The following AEBP2 variants were observed in gnomAD, a reference collection of about 807,000 sequenced individuals.
The protein encoded by AEBP2 is AE binding protein 2.
A neutral mutation model predicts 50.8 loss-of-function variants in AEBP2; 10 were observed. The observed-to-expected ratio is 0.20, with a 90% confidence interval of 0.12 to 0.33. The LOEUF is 0.33. Among genes scored for constraint, AEBP2 ranks in the 10% least tolerant of loss-of-function variants. The pLI, the probability that AEBP2 is intolerant of heterozygous loss-of-function variation, is 1.00. For missense variants in AEBP2, 570 were observed against 688.0 expected (o/e 0.83, Z 1.92); for synonymous variants, 296 against 261.3 (o/e 1.13, Z -1.28).
intron 1 of AEBP2, among the ~76,000 whole-genome samples, chr12:19,460,718 T>G (rs1051168075): frequency 6.7e-6 from 1 of 149,032 alleles, no homozygotes. Flanking sequence ...CCAGTGCCGC[T>G]ATCTCTGCTC....
rs1412652039 is a variant in AEBP2, at chr12:19,494,003, G to C, written c.1174+17G>C. ...GCTCATTACGTAAGTGTTACACTGA[G>C]AAAATCTGGTGTATTTCATGGTTTT... On this transcript the variant is annotated intron_variant, in intron 4 of 7. Transcript: ENST00000266508. The C allele has an allele frequency of 1.3e-6, 2 of 1,534,962 alleles. No individual in the cohort carries two copies. The highest frequency in any genetic ancestry group is 2.3e-5 in the East Asian group (1 of 42,756).
chr12:19,413,296 A>G lies in AEBP2; in HGVS notation c.-17+9080A>G, dbSNP rs2095740462. ...TAAAGCCTGAAAAAACTAAAGCAGT[A>G]GAGAATTACCTTATACAGATGGCAA... On this transcript the variant is annotated intron_variant, in intron 1 of 3. Coordinates refer to the AEBP2 transcript ENST00000538425. 3 of 1,306,352 alleles carry G rather than the reference A, an allele frequency of 2.3e-6. No homozygotes were observed. In the Admixed American group the frequency reaches 5.0e-5, roughly 22 times the overall value. 80.9% of individuals were successfully genotyped at this position (1,306,352 alleles called of 1,614,324 possible).
chr12:19,469,100 A>G (rs1290891508), intron 2 of AEBP2, among the ~76,000 whole-genome samples: 1 of 151,814 alleles, frequency 6.6e-6, no homozygotes, highest in Non-Finnish European at 1.5e-5. Flanking sequence ...AAGTTTTTGT[A>G]TTTTTAGTAG....
At chr12:19,484,044 A>C (rs1168677714) in intron 3 of AEBP2, among the ~76,000 whole-genome samples, 2 of 152,070 alleles carry the variant, frequency 1.3e-5, no homozygotes, top group African/African-American at 2.4e-5. Flanking sequence ...GATTTTTGCT[A>C]ATCTCATAGG....
chr12:19,473,592 G>T (rs1410388317), intron 3 of AEBP2, among the ~76,000 whole-genome samples: 2 of 152,010 alleles, frequency 1.3e-5, no homozygotes, highest in Non-Finnish European at 2.9e-5. Flanking sequence ...TTTTAGTAGA[G>T]ATGGTGTTTC....
intron 1 of AEBP2, among the ~76,000 whole-genome samples, chr12:19,453,249 G>A (rs535615662): frequency 1.3e-5 from 2 of 151,956 alleles, no homozygotes; most frequent in Admixed American, 6.5e-5. Flanking sequence ...GATTACAGGC[G>A]TGAGCCACCG....
chr12:19,429,509 G>A (rs2095750319), intron 1 of AEBP2, among the ~76,000 whole-genome samples: 1 of 152,082 alleles, frequency 6.6e-6, no homozygotes, highest in Non-Finnish European at 1.5e-5. Context: ...GGGATGGCTG[G>A]GTCAAATGGT....
chr12:19,475,730 T>C (rs1948640198), intron 3 of AEBP2, among the ~76,000 whole-genome samples: 1 of 152,182 alleles, frequency 6.6e-6, no homozygotes, highest in African/African-American at 2.4e-5. Context: ...GTGTTCCCTT[T>C]TCACCACATC....
chr12:19,416,592 A>G (rs1322399125), intron 1 of AEBP2, among the ~76,000 whole-genome samples: 1 of 146,070 alleles, frequency 6.8e-6, no homozygotes, highest in African/African-American at 2.5e-5. Context: ...TTTAGTAGAG[A>G]TGGGGTTTCA....
intron 1 of AEBP2, among the ~76,000 whole-genome samples, chr12:19,453,068 A>T (rs1360327083): frequency 6.9e-6 from 1 of 145,006 alleles, no homozygotes; most frequent in Non-Finnish European, 1.5e-5. Flanking sequence ...TCCCAGGTTC[A>T]CGCCATTCTC....
At chr12:19,494,201 A>T (rs536692859) in intron 4 of AEBP2, among the ~76,000 whole-genome samples, 217 of 152,314 alleles carry the variant, frequency 1.4e-3, no homozygotes, top group Middle Eastern at 0.01. Flanking sequence ...GTATAAAATT[A>T]GATTTGGGGG....
At chr12:19,460,657 G>GTT (rs780141180) in intron 1 of AEBP2, among the ~76,000 whole-genome samples, 19 of 143,978 alleles carry the variant, frequency 1.3e-4, no homozygotes, top group Non-Finnish European at 1.5e-4. Flanking sequence ...CGGCCTGAAA[G>GTT]TTTTTTTTTT....
intron 7 of AEBP2, among the ~76,000 whole-genome samples, chr12:19,516,104 CA>C (rs1949313702): frequency 6.6e-6 from 1 of 152,084 alleles, no homozygotes; most frequent in Non-Finnish European, 1.5e-5. Flanking sequence ...TTTTTCTTCT[CA>C]AACATCTTTT....
Position 19,518,407 on chromosome 12 carries a change from A to C in AEBP2, c.*290A>C. On this transcript the variant is annotated 3_prime_UTR_variant, in exon 8 of 8. Coordinates refer to ENST00000266508, the MANE Select transcript of AEBP2 (RefSeq NM_153207.5). Reference sequence around the variant, plus strand: ...TGGCAACTTAGTAGAACAGCTTCTTAAAGGCTTTGCATGCTTGCTGCTTTA... The same window carrying C: ...TGGCAACTTAGTAGAACAGCTTCTTCAAGGCTTTGCATGCTTGCTGCTTTA... 1 of 1,232,064 alleles carries C rather than the reference A, an allele frequency of 8.1e-7. No homozygotes were observed. Among genetic ancestry groups the C allele is most frequent in the Non-Finnish European group, 1.0e-6 (1 of 985,906 alleles). The allele number at this position is 1,232,064 out of a possible 1,614,324, so 76.3% of individuals were successfully genotyped here.
intron 1 of AEBP2, among the ~76,000 whole-genome samples, chr12:19,433,908 G>A (rs1440470488): frequency 1.3e-5 from 2 of 151,916 alleles, no homozygotes; most frequent in South Asian, 4.1e-4. Flanking sequence ...GTGTAGTGGC[G>A]CGATCTCGGC....
At chr12:19,442,172 G>T (rs1039836979) in intron 1 of AEBP2, among the ~76,000 whole-genome samples, 16 of 152,280 alleles carry the variant, frequency 1.1e-4, no homozygotes, top group Admixed American at 9.8e-4. Context: ...ACTTTGGGAG[G>T]CCGAGGTGGG....
rs1679208965 is a variant in AEBP2, at chr12:19,433,975, TA to T, written c.-16-28534del. 3.9e-5 allele frequency among the ~76,000 whole-genome samples: 6 copies of T among 152,050 alleles called. No individual in the cohort carries two copies. The South Asian group carries it at 1.3e-3, about 32-fold the overall frequency. On this transcript the variant is annotated intron_variant, in intron 1 of 3. Coordinates refer to the AEBP2 transcript ENST00000538425. ...GATTCCTCTGCCTCAGCCTCCCTAG[TA>T]GCCGGGACTACAGGCACACGCCACC...
intron 1 of AEBP2, among the ~76,000 whole-genome samples, chr12:19,455,371 C>T (rs1404404517): frequency 6.6e-6 from 1 of 152,096 alleles, no homozygotes; most frequent in Non-Finnish European, 1.5e-5. Context: ...GTGGTAGTTT[C>T]TTAAAGATTA....
Position 19,439,617 on chromosome 12 carries a change from T to G in AEBP2, c.-83T>G. On this transcript the variant is annotated 5_prime_UTR_variant, in exon 1 of 8. Coordinates refer to ENST00000266508, the MANE Select transcript of AEBP2 (RefSeq NM_153207.5). ...AGCGGCGTCGGCGGAGTTTTGGGCG[T>G]TTGGGAGGGGGGCGAGGGAGAGAGA... is the stretch of plus-strand genomic sequence containing the variant. 9.0e-6 allele frequency: 13 copies of G among 1,450,190 alleles called. No individual in the cohort carries two copies. The highest frequency in any genetic ancestry group is 1.5e-5 in the African/African-American group (1 of 68,014). The allele number at this position is 1,450,190 out of a possible 1,614,324, so 89.8% of individuals were successfully genotyped here. A position where few individuals can be genotyped will look rare whatever the true frequency, so the allele number is the denominator to read the frequency against.
Sources: allele counts gnomAD v4.1 joint callset (sites outside exome capture counted in the v4.1 genomes callset), GRCh38; gene constraint gnomAD v4.1.1; transcripts MANE v1.5; gene names NCBI Gene and HGNC (gene_info 2026-07-23, HGNC 2026-07-21).